Variants in ANO6 observed in about 807,000 individuals in gnomAD.
ANO6 encodes the protein anoctamin 6, also known as anoctamin-6.
A neutral mutation model predicts 117.5 loss-of-function variants in ANO6; 106 were observed. The ratio of observed to expected loss-of-function variants is 0.90; its 90% confidence interval spans 0.77 to 1.06. The LOEUF is 1.06. Ranked by LOEUF, ANO6 falls within the 50% of genes least tolerant of loss-of-function variation. The pLI is 0.00. For synonymous variants in ANO6, 367 were observed against 385.1 expected, an observed-to-expected ratio of 0.95 and a Z score of 0.55; for missense variants, 955 against 1,121.1, an observed-to-expected ratio of 0.85 and a Z score of 2.12.
At chr12:45,294,473 G>A (rs1939223147) in intron 1 of ANO6, among the ~76,000 whole-genome samples, 2 of 152,158 alleles carry the variant, frequency 1.3e-5, no homozygotes, top group Admixed American at 1.3e-4. Context: ...TTGTTGAGAA[G>A]GGGGCCAGGT....
At chr12:45,384,038 C>T (rs960666023) in intron 10 of ANO6, among the ~76,000 whole-genome samples, 1 of 152,244 alleles carries the variant, frequency 6.6e-6, no homozygotes, top group African/African-American at 2.4e-5. Context: ...CATCAATGAT[C>T]TTAGCTAGAT....
chr12:45,319,348 G>A (rs528227253), intron 2 of ANO6, among the ~76,000 whole-genome samples: 5 of 152,076 alleles, frequency 3.3e-5, no homozygotes, highest in East Asian at 1.9e-4. Flanking sequence ...TTTGTCGAAG[G>A]CCTTTTCTGC....
chr12:45,322,256 G>A lies in ANO6; in HGVS notation c.151-9039G>A, dbSNP rs550179580. Among the ~76,000 whole-genome samples the A allele has an allele frequency of 1.8e-4, 28 of 152,012 alleles. No individual in the cohort carries two copies. In the South Asian group the frequency reaches 5.4e-3, roughly 29 times the overall value. ...AAGGCTTGGAAGTTCTTCCAAGGAA[G>A]AACTGAGCTGGACCTTAAAGGAGAG... On this transcript the variant is annotated intron_variant, in intron 2 of 19. Coordinates refer to ENST00000320560, the MANE Select transcript of ANO6 (RefSeq NM_001025356.3).
chr12:45,312,241 G>T (rs1324752339), intron 2 of ANO6, among the ~76,000 whole-genome samples: 1 of 152,034 alleles, frequency 6.6e-6, no homozygotes, highest in Non-Finnish European at 1.5e-5. Flanking sequence ...TCATCTAGAA[G>T]CATAATCACA....
intron 8 of ANO6, among the ~76,000 whole-genome samples, chr12:45,365,190 T>C (rs1336131417): frequency 6.6e-6 from 1 of 152,242 alleles, no homozygotes; most frequent in Non-Finnish European, 1.5e-5. Flanking sequence ...CAGGTAGTTT[T>C]CAGCTCTTCC....
intron 11 of ANO6, among the ~76,000 whole-genome samples, chr12:45,389,095 T>C (rs1171040362): frequency 6.6e-6 from 1 of 152,210 alleles, no homozygotes; most frequent in Non-Finnish European, 1.5e-5. Flanking sequence ...GAAAATGCTT[T>C]TACCAAGAAT....
At chr12:45,248,661 G>T (rs147855411) in intron 1 of ANO6, among the ~76,000 whole-genome samples, 2 of 151,950 alleles carry the variant, frequency 1.3e-5, no homozygotes, top group Admixed American at 6.6e-5. Flanking sequence ...CTCGTGACCC[G>T]CCCGCCTCAG....
chr12:45,433,949 CA>C (rs1178625536), downstream of ANO6, among the ~76,000 whole-genome samples: 1 of 152,152 alleles, frequency 6.6e-6, no homozygotes, highest in Non-Finnish European at 1.5e-5. Context: ...TTCCATTTCC[CA>C]GCAGAAAACA....
intron 2 of ANO6, among the ~76,000 whole-genome samples, chr12:45,309,578 T>TC (rs111632137): frequency 8.4e-4 from 127 of 150,714 alleles, no homozygotes; most frequent in African/African-American, 2.0e-3. Context: ...TTTTTTTTTT[T>TC]CCCTGAGTAG....
intron 1 of ANO6, among the ~76,000 whole-genome samples, chr12:45,277,120 C>T (rs1938578798): frequency 6.6e-6 from 1 of 152,106 alleles, no homozygotes; most frequent in South Asian, 2.1e-4. Flanking sequence ...TTCACCTACT[C>T]CAGCCCCCTT....
At chr12:45,356,566 A>G (rs1165708484) in intron 7 of ANO6, among the ~76,000 whole-genome samples, 1 of 152,232 alleles carries the variant, frequency 6.6e-6, no homozygotes, top group East Asian at 1.9e-4. Context: ...AAAGAAAAGA[A>G]TGTTATTAAG....
chr12:45,240,043 T>C (rs1055316817), intron 1 of ANO6, among the ~76,000 whole-genome samples: 4 of 152,212 alleles, frequency 2.6e-5, no homozygotes, highest in African/African-American at 7.2e-5. Flanking sequence ...TTAGGTCTGC[T>C]TAGTGCAGAG....
intron 1 of ANO6, among the ~76,000 whole-genome samples, chr12:45,259,616 G>T (rs1036224579): frequency 6.6e-6 from 1 of 152,152 alleles, no homozygotes; most frequent in Non-Finnish European, 1.5e-5. Flanking sequence ...CTCTGCACAC[G>T]CTTTTCCACC....
chr12:45,372,040 A>C (rs1941855380), intron 9 of ANO6, among the ~76,000 whole-genome samples: 1 of 152,174 alleles, frequency 6.6e-6, no homozygotes, highest in Non-Finnish European at 1.5e-5. Flanking sequence ...CTGAAAGCCA[A>C]GGCTCGAGAA....
intron 1 of ANO6, among the ~76,000 whole-genome samples, chr12:45,235,399 A>C (rs1026011927): frequency 6.6e-6 from 1 of 152,210 alleles, no homozygotes; most frequent in Admixed American, 6.5e-5. Context: ...AGTTTCCTGC[A>C]ATAAGAGATG....
At chr12:45,366,538 C>G (rs965772090) in intron 8 of ANO6, among the ~76,000 whole-genome samples, 1 of 152,122 alleles carries the variant, frequency 6.6e-6, no homozygotes, top group African/African-American at 2.4e-5. Context: ...TGGTATAAAT[C>G]AGTTTTTATA....
intron 2 of ANO6, among the ~76,000 whole-genome samples, chr12:45,321,494 C>T (rs1438403125): frequency 6.6e-6 from 1 of 152,128 alleles, no homozygotes; most frequent in Non-Finnish European, 1.5e-5. Flanking sequence ...ACATTACCTT[C>T]AGTCTCAACA....
In ANO6 at chr12:45,417,151, G is replaced by A. The variant is rs59893450; in HGVS notation, c.2217+247G>A. ...GCTCATTTGCTAAAGTTTTTATTCA[G>A]TATGAAATATGGTAATGATAAGAAG... On this transcript the variant is annotated intron_variant, in intron 17 of 19. Transcript: ENST00000320560. 0.15 allele frequency among the ~76,000 whole-genome samples: 22,108 copies of A among 152,098 alleles called. 2,391 individuals are homozygous for A. The highest frequency in any genetic ancestry group is 0.35 in the East Asian group (1,832 of 5,178).
intron 1 of ANO6, among the ~76,000 whole-genome samples, chr12:45,227,955 G>A (rs748077148): frequency 2.8e-4 from 42 of 152,004 alleles, no homozygotes; most frequent in Admixed American, 4.6e-4. Context: ...ACAATATTCT[G>A]TTGATGCCAA....
Sources: gnomAD v4.1 joint callset for allele counts (sites outside exome capture counted in the v4.1 genomes callset) on GRCh38, gnomAD v4.1.1 for gene constraint, MANE v1.5 for transcripts, NCBI Gene and HGNC (gene_info 2026-07-23, HGNC 2026-07-21) for gene names.